The following TIAM1 variants were observed in gnomAD, a reference collection of about 807,000 sequenced individuals.
TIAM1 encodes rho guanine nucleotide exchange factor TIAM1.
Under a neutral mutation model 163.5 loss-of-function variants are expected in TIAM1, and 65 were observed. That is an observed-to-expected ratio of 0.40 (90% CI 0.33 to 0.49). The LOEUF is 0.49. TIAM1 is among the 20% of genes least tolerant of loss of function. TIAM1 has a pLI of 0.77. For missense variants in TIAM1, 1,789 were observed against 2,044.7 expected (o/e 0.87, Z 2.41); for synonymous variants, 833 against 810.1 (o/e 1.03, Z -0.48).
At chr21:31,360,270 T>TATA (rs150082419) in intron 2 of TIAM1, among the ~76,000 whole-genome samples, 56 of 151,462 alleles carry the variant, frequency 3.7e-4, no homozygotes, top group Middle Eastern at 3.4e-3. Flanking sequence ...CGGACAGAAG[T>TATA]ATAATAATAA....
At chr21:31,209,627 T>C (rs1202928411) in intron 11 of TIAM1, among the ~76,000 whole-genome samples, 1 of 152,246 alleles carries the variant, frequency 6.6e-6, no homozygotes, top group Non-Finnish European at 1.5e-5. Flanking sequence ...TATGATGCCA[T>C]TGAACACATG....
At position 31,252,176 on chromosome 21, in the gene TIAM1, C is replaced by A; in HGVS notation, c.977G>T (p.Gly326Val). ...ACTGTCTGCAAACTCACTGCCCTCG[C>A]CTGCATTAACATCCTTGGGAGCAGA... ...RAKTTQDVNA[G>V]EGSEFADSGI... Residue 326 changes from glycine to valine, a missense_variant, in exon 5 of 28, where the codon GGC becomes GTC. Gly to Val is a moderately radical substitution (Grantham distance 109). Coordinates refer to ENST00000541036, the MANE Select transcript of TIAM1 (RefSeq NM_001353694.2). 1 of 1,605,272 alleles carries A rather than the reference C, an allele frequency of 6.2e-7. No homozygotes were observed. The highest frequency in any genetic ancestry group is 8.5e-7 in the Non-Finnish European group (1 of 1,179,618).
chr21:31,139,686 T>C (rs76808254), intron 22 of TIAM1, among the ~76,000 whole-genome samples: 362 of 152,340 alleles, frequency 2.4e-3, no homozygotes, highest in African/African-American at 8.2e-3. Context: ...ATCTTTTCTA[T>C]ACTCTGATAG....
At chr21:31,165,568 T>C (rs761565584) in intron 15 of TIAM1, among the ~76,000 whole-genome samples, 7 of 152,144 alleles carry the variant, frequency 4.6e-5, no homozygotes, top group Non-Finnish European at 8.8e-5. Flanking sequence ...ACCCAGATGA[T>C]GGGGCTTCCC....
At chr21:31,543,205 T>C (rs1026955947) in intron 1 of TIAM1, among the ~76,000 whole-genome samples, 1 of 152,132 alleles carries the variant, frequency 6.6e-6, no homozygotes, top group Non-Finnish European at 1.5e-5. Flanking sequence ...GAAACTTTCT[T>C]CTCCAATGGG....
chr21:31,311,331 T>C (rs1056047235), intron 2 of TIAM1, among the ~76,000 whole-genome samples: 3 of 152,146 alleles, frequency 2.0e-5, no homozygotes, highest in Admixed American at 6.5e-5. Context: ...TACTAAGAAA[T>C]TGTCTTCTCT....
chr21:31,357,052 T>C (rs890510598), intron 2 of TIAM1, among the ~76,000 whole-genome samples: 2 of 152,210 alleles, frequency 1.3e-5, no homozygotes, highest in Admixed American at 6.5e-5. Context: ...CCCTGGCCCA[T>C]CTTTTACTTG....
chr21:31,500,099 A>G (rs1278614659), intron 1 of TIAM1, among the ~76,000 whole-genome samples: 3 of 152,110 alleles, frequency 2.0e-5, no homozygotes, highest in Non-Finnish European at 4.4e-5. Flanking sequence ...CAGGAGACAG[A>G]GGTTGCAGTG....
intron 13 of TIAM1, among the ~76,000 whole-genome samples, chr21:31,189,195 C>T (rs947206690): frequency 6.6e-6 from 1 of 151,678 alleles, no homozygotes; most frequent in African/African-American, 2.4e-5. Flanking sequence ...GCTGGGATTA[C>T]AGGCACACAC....
At chr21:31,326,156 C>T (rs1018510215) in intron 2 of TIAM1, among the ~76,000 whole-genome samples, 2 of 152,124 alleles carry the variant, frequency 1.3e-5, no homozygotes, top group African/African-American at 4.8e-5. Context: ...CTGAATTCCT[C>T]ACCTATTAAT....
intron 13 of TIAM1, among the ~76,000 whole-genome samples, chr21:31,189,347 A>C (rs1272078732): frequency 1.3e-5 from 2 of 151,598 alleles, no homozygotes; most frequent in Non-Finnish European, 2.9e-5. Context: ...GAGCCATCAC[A>C]CCCAGCCATT....
intron 2 of TIAM1, among the ~76,000 whole-genome samples, chr21:31,293,253 C>T (rs1476458803): frequency 1.3e-5 from 2 of 152,164 alleles, no homozygotes; most frequent in Non-Finnish European, 2.9e-5. Context: ...GGAGGCAGAA[C>T]TTCTTCCTTC....
At chr21:31,145,650 G>A (rs546916787) in intron 20 of TIAM1, among the ~76,000 whole-genome samples, 2 of 152,282 alleles carry the variant, frequency 1.3e-5, no homozygotes, top group East Asian at 1.9e-4. Flanking sequence ...ACTGTGTCCT[G>A]CACAAAAATA....
intron 2 of TIAM1, among the ~76,000 whole-genome samples, chr21:31,320,250 A>G (rs2075268650): frequency 6.6e-6 from 1 of 152,158 alleles, no homozygotes; most frequent in Admixed American, 6.6e-5. Flanking sequence ...GGTACCTGGA[A>G]TAGGCAAATT....
chr21:31,155,374 T>G (rs959247740), intron 16 of TIAM1, among the ~76,000 whole-genome samples: 1 of 152,220 alleles, frequency 6.6e-6, no homozygotes, highest in Non-Finnish European at 1.5e-5. Flanking sequence ...ATCTCTGGGG[T>G]GGGATATGCA....
At chr21:31,540,581 G>T (rs1433141689) in intron 1 of TIAM1, among the ~76,000 whole-genome samples, 1 of 152,142 alleles carries the variant, frequency 6.6e-6, no homozygotes, top group Non-Finnish European at 1.5e-5. Context: ...CTCTGCAGAT[G>T]AGGCTCTCTT....
At chr21:31,538,963 C>T (rs2833440) in intron 1 of TIAM1, among the ~76,000 whole-genome samples, 90,899 of 151,870 alleles carry the variant, frequency 0.6, 27,664 homozygotes, top group East Asian at 0.9. Flanking sequence ...TAAACAGGTG[C>T]CGTAACAGTA....
chr21:31,291,523 G>GTTTA (rs1004675641), intron 2 of TIAM1, among the ~76,000 whole-genome samples: 10 of 151,584 alleles, frequency 6.6e-5, no homozygotes, highest in African/African-American at 1.2e-4. Context: ...TTATTTATTT[G>GTTTA]TTTATTTATT....
intron 2 of TIAM1, among the ~76,000 whole-genome samples, chr21:31,325,215 T>C (rs1458139764): frequency 6.7e-6 from 1 of 149,926 alleles, no homozygotes; most frequent in African/African-American, 2.5e-5. Context: ...GCCTAGGAGG[T>C]GGAGGTGCGG....
Sources: allele counts gnomAD v4.1 joint callset (sites outside exome capture counted in the v4.1 genomes callset), GRCh38; gene constraint gnomAD v4.1.1; transcripts MANE v1.5; gene names NCBI Gene and HGNC (gene_info 2026-07-23, HGNC 2026-07-21).